Variants in RGS6 observed in about 807,000 individuals in gnomAD.
RGS6 encodes the protein regulator of G protein signaling 6.
A neutral mutation model predicts 78.5 loss-of-function variants in RGS6; 30 were observed. The observed-to-expected ratio is 0.38, with a 90% confidence interval of 0.29 to 0.52. The LOEUF is 0.52. RGS6 is among the 20% of genes least tolerant of loss of function. The pLI is 0.85. For synonymous variants in RGS6, 206 were observed against 206.0 expected (o/e 1.00, Z 0.00); for missense variants, 495 against 609.7 (o/e 0.81, Z 1.98).
At chr14:72,409,509 T>C (rs1170887631) in intron 3 of RGS6, among the ~76,000 whole-genome samples, 1 of 151,600 alleles carries the variant, frequency 6.6e-6, no homozygotes, top group Non-Finnish European at 1.5e-5. Flanking sequence ...AATTAAAATT[T>C]TTTTAACATC....
chr14:72,404,539 C>G (rs1413495767), intron 3 of RGS6, among the ~76,000 whole-genome samples: 1 of 152,242 alleles, frequency 6.6e-6, no homozygotes, highest in Non-Finnish European at 1.5e-5. Context: ...TTGCAAGTCT[C>G]TGCCAGCAGC....
chr14:72,548,627 T>C (rs543149983), intron 17 of RGS6, among the ~76,000 whole-genome samples: 24 of 152,144 alleles, frequency 1.6e-4, no homozygotes, highest in African/African-American at 5.5e-4. Flanking sequence ...AACTTTAACA[T>C]CTAGAGACAA....
intron 3 of RGS6, among the ~76,000 whole-genome samples, chr14:72,391,819 A>T (rs947424520): frequency 6.6e-6 from 1 of 151,446 alleles, no homozygotes; most frequent in Non-Finnish European, 1.5e-5. Context: ...TCATTGTTCA[A>T]CTCCCACTTA....
chr14:72,254,471 G>A (rs1375034104), intron 2 of RGS6, among the ~76,000 whole-genome samples: 2 of 152,116 alleles, frequency 1.3e-5, no homozygotes, highest in East Asian at 3.9e-4. Flanking sequence ...GCTTGACAGT[G>A]CATGCCTGAG....
At chr14:71,973,131 G>T (rs563773840) in intron 2 of RGS6, among the ~76,000 whole-genome samples, 6 of 152,156 alleles carry the variant, frequency 3.9e-5, no homozygotes, top group Non-Finnish European at 5.9e-5. Flanking sequence ...TGTGAAGTAA[G>T]GGGTTAGCTA....
chr14:71,877,805 C>T, the RGS6 span, among the ~76,000 whole-genome samples: 1 of 152,214 alleles, frequency 6.6e-6, no homozygotes, highest in Admixed American at 6.5e-5. Flanking sequence ...TTCTCCCCCT[C>T]TTTGTGGTTT....
At chr14:72,201,118 A>G (rs1465093599) in intron 2 of RGS6, among the ~76,000 whole-genome samples, 3 of 152,092 alleles carry the variant, frequency 2.0e-5, no homozygotes, top group Non-Finnish European at 4.4e-5. Flanking sequence ...TGCCTTGGGG[A>G]GCCCGCGTTG....
chr14:72,291,454 T>G (rs1049652810), intron 2 of RGS6, among the ~76,000 whole-genome samples: 4 of 152,158 alleles, frequency 2.6e-5, no homozygotes, highest in African/African-American at 9.7e-5. Context: ...CTGCACATAT[T>G]TTGTTCTGTT....
chr14:72,553,514 C>A lies in RGS6; in HGVS notation c.1423-8903C>A, dbSNP rs1003706869. ...TGGTTCCAGGGACAGTCGGCAGCACCCATTTCTTGGTGTCTCTGTTTTTTC... is the reference window on the plus strand; with the variant it reads ...TGGTTCCAGGGACAGTCGGCAGCACACATTTCTTGGTGTCTCTGTTTTTTC... On this transcript the variant is annotated intron_variant, in intron 17 of 17. Transcript: ENST00000553525. 2.6e-5 allele frequency among the ~76,000 whole-genome samples: 4 copies of A among 152,270 alleles called. No individual in the cohort carries two copies. The East Asian group carries it at 7.7e-4, about 29-fold the overall frequency.
At chr14:72,103,993 T>G (rs915450611) in intron 2 of RGS6, among the ~76,000 whole-genome samples, 9 of 152,216 alleles carry the variant, frequency 5.9e-5, no homozygotes, top group Admixed American at 1.3e-4. Flanking sequence ...TGACAATTGT[T>G]GTTTTGCTAT....
At chr14:72,430,312 C>T (rs570478426) in intron 3 of RGS6, among the ~76,000 whole-genome samples, 1 of 152,274 alleles carries the variant, frequency 6.6e-6, no homozygotes, top group African/African-American at 2.4e-5. Flanking sequence ...ACATTAAAAC[C>T]CTCCAGTCAT....
chr14:72,409,494 C>T (rs535539284), intron 3 of RGS6, among the ~76,000 whole-genome samples: 1 of 151,226 alleles, frequency 6.6e-6, no homozygotes. Context: ...GCTTAATGAC[C>T]TCCCAATTAA....
chr14:72,096,628 C>T (rs538275267), intron 2 of RGS6, among the ~76,000 whole-genome samples: 1 of 152,302 alleles, frequency 6.6e-6, no homozygotes, highest in East Asian at 1.9e-4. Context: ...CTCTTATGCC[C>T]TGGCTCTTAA....
intron 2 of RGS6, among the ~76,000 whole-genome samples, chr14:71,975,175 G>C (rs2094042513): frequency 6.6e-6 from 1 of 152,048 alleles, no homozygotes; most frequent in South Asian, 2.1e-4. Flanking sequence ...GAAAGTCTTT[G>C]TTTCATCTTC....
chr14:71,897,857 ACT>A, the RGS6 span, among the ~76,000 whole-genome samples: 3 of 149,558 alleles, frequency 2.0e-5, no homozygotes, highest in Non-Finnish European at 4.4e-5. Context: ...GCAAGGGAGG[ACT>A]CCTTTCAAAT....
At chr14:72,217,481 T>A (rs2045871598) in intron 2 of RGS6, among the ~76,000 whole-genome samples, 1 of 152,174 alleles carries the variant, frequency 6.6e-6, no homozygotes, top group Admixed American at 6.5e-5. Flanking sequence ...CCAAAAATAT[T>A]TGGAGTGGGC....
intron 2 of RGS6, among the ~76,000 whole-genome samples, chr14:72,342,090 C>G (rs2077120779): frequency 6.6e-6 from 1 of 152,158 alleles, no homozygotes; most frequent in Admixed American, 6.5e-5. Flanking sequence ...TTCAAATATG[C>G]AGCATTTCAC....
At chr14:72,435,375 C>T (rs888254017) in intron 3 of RGS6, among the ~76,000 whole-genome samples, 1 of 152,170 alleles carries the variant, frequency 6.6e-6, no homozygotes, top group African/African-American at 2.4e-5. Context: ...AGTAATAAAA[C>T]CCTGCTTTGG....
chr14:71,999,745 T>G (rs556569314), intron 2 of RGS6, among the ~76,000 whole-genome samples: 1 of 152,324 alleles, frequency 6.6e-6, no homozygotes, highest in South Asian at 2.1e-4. Context: ...ACATGTGAAT[T>G]GCCTAGCTCC....
Sources: allele counts gnomAD v4.1 joint callset (sites outside exome capture counted in the v4.1 genomes callset), GRCh38; gene constraint gnomAD v4.1.1; transcripts MANE v1.5; gene names NCBI Gene and HGNC (gene_info 2026-07-23, HGNC 2026-07-21).